ANKRD36: variants seen among roughly 807,000 people sequenced by gnomAD.
ANKRD36 encodes the protein ankyrin repeat domain 36, also known as ankyrin repeat domain-containing protein 36A.
Under a neutral mutation model 278.1 loss-of-function variants are expected in ANKRD36, and 179 were observed. The observed-to-expected ratio is 0.64, with a 90% CI of 0.57 to 0.73. The LOEUF is 0.73. Among genes scored for constraint, ANKRD36 ranks in the 30% least tolerant of loss-of-function variants. The pLI is 0.00. For synonymous variants in ANKRD36, 320 were observed against 641.1 expected (o/e 0.50, Z 7.57); for missense variants, 1,159 against 1,956.7 (o/e 0.59, Z 7.69).
intron 50 of ANKRD36, among the ~76,000 whole-genome samples, chr2:97,205,166 C>A (rs1260830084): frequency 1.3e-5 from 2 of 151,652 alleles, no homozygotes; most frequent in African/African-American, 4.8e-5. Context: ...GGAATGATTT[C>A]TGAATGTAAA....
At chr2:97,260,974 A>G (rs537131168) in intron 75 of ANKRD36, among the ~76,000 whole-genome samples, 134 of 129,068 alleles carry the variant, frequency 1.0e-3, no homozygotes, top group African/African-American at 4.3e-3. Flanking sequence ...GAATTAAAGA[A>G]TGTTAGGGCT....
At chr2:97,204,998 A>G (rs1393231857) in intron 50 of ANKRD36, among the ~76,000 whole-genome samples, 1 of 151,416 alleles carries the variant, frequency 6.6e-6, no homozygotes, top group Non-Finnish European at 1.5e-5. Context: ...ATATGAATAC[A>G]TTGGCTTCTT....
At position 97,147,637 on chromosome 2, in the gene ANKRD36, T is replaced by C. The variant is rs2044614675; in HGVS notation, c.1034+1121T>C. ...AGTCTTCTTTTACATCATTCTGTCATTGAGTGATTTTAGTTTTAGAAAGAG... is the reference window on the plus strand; with the variant it reads ...AGTCTTCTTTTACATCATTCTGTCACTGAGTGATTTTAGTTTTAGAAAGAG... On this transcript the variant is annotated intron_variant, in intron 11 of 75. Transcript: ENST00000420699. 3.3e-5 allele frequency among the ~76,000 whole-genome samples: 5 copies of C among 151,916 alleles called. No individual in the cohort carries two copies. In the South Asian group the frequency reaches 1.0e-3, roughly 32 times the overall value.
At chr2:97,232,951 T>C (rs1177005354) in intron 67 of ANKRD36, among the ~76,000 whole-genome samples, 3 of 151,670 alleles carry the variant, frequency 2.0e-5, no homozygotes, top group Non-Finnish European at 4.4e-5. Flanking sequence ...AATTTAGTGA[T>C]TCAAAAAGCC....
intron 4 of ANKRD36, among the ~76,000 whole-genome samples, chr2:97,124,013 CATT>C (rs2037826774): frequency 6.7e-6 from 1 of 149,516 alleles, no homozygotes; most frequent in Non-Finnish European, 1.5e-5. Context: ...TTATCAGCAT[CATT>C]AACTGAAGCT....
At chr2:97,121,877 C>T (rs1311055047) in intron 3 of ANKRD36, among the ~76,000 whole-genome samples, 1 of 150,010 alleles carries the variant, frequency 6.7e-6, no homozygotes, top group Non-Finnish European at 1.5e-5. Flanking sequence ...TAAATATTTG[C>T]ATCAGGGTCC....
At chr2:97,140,013 A>C (rs1238782740) in intron 6 of ANKRD36, among the ~76,000 whole-genome samples, 2 of 151,738 alleles carry the variant, frequency 1.3e-5, no homozygotes, top group African/African-American at 2.4e-5. Flanking sequence ...TTTGTGTGTG[A>C]ATGTGTGTGT....
chr2:97,123,268 GTTTGTTA>G (rs958387284), intron 4 of ANKRD36, among the ~76,000 whole-genome samples: 8 of 148,506 alleles, frequency 5.4e-5, no homozygotes, highest in African/African-American at 1.9e-4. Context: ...ATTGATAGAT[GTTTGTTA>G]TTTGTAATAT....
rs145456161 is a variant in ANKRD36 at position 97,186,155 on chromosome 2, G to A, written c.2041+645G>A. On this transcript the variant is annotated intron_variant, in intron 30 of 75. Transcript: ENST00000420699. Reference sequence around the variant, plus strand: ...AGCTAGAATTGGGATAAACCACATTGACTAATTACTTCTGTTTGCTACTAT... The same window carrying A: ...AGCTAGAATTGGGATAAACCACATTAACTAATTACTTCTGTTTGCTACTAT... 1.8e-3 allele frequency among the ~76,000 whole-genome samples: 270 copies of A among 151,836 alleles called. 2 individuals carry two copies. Among genetic ancestry groups the A allele is most frequent in the African/African-American group, 5.8e-3 (239 of 41,446 alleles).
At chr2:97,160,959 T>C (rs540429740) in intron 17 of ANKRD36, among the ~76,000 whole-genome samples, 1 of 151,980 alleles carries the variant, frequency 6.6e-6, no homozygotes, top group Non-Finnish European at 1.5e-5. Flanking sequence ...ATTTTATATC[T>C]TTTAATCCAG....
At position 97,181,739 on chromosome 2, in the gene ANKRD36, G is replaced by A; in HGVS notation, c.1783G>A (p.Asp595Asn). 1 of 1,609,322 alleles carries A rather than the reference G, an allele frequency of 6.2e-7. No individual in the cohort carries two copies. The change falls in exon 26 of 76, where the codon GAT becomes AAT. Residue 595 changes from aspartate (D) to asparagine (N), a missense_variant. Coordinates refer to ENST00000420699, the MANE Select transcript of ANKRD36 (RefSeq NM_001354587.1). The part of the protein sequence containing the change: ...PAEKATSDEK[D>N]SVSNIATEIK... Reference sequence around the variant, plus strand: ...CATTCAGGCTACAAGTGACGAGAAAGATTCTGTTTCAAATATAGCCACAGA... The same window carrying A: ...CATTCAGGCTACAAGTGACGAGAAAAATTCTGTTTCAAATATAGCCACAGA...
intron 6 of ANKRD36, among the ~76,000 whole-genome samples, chr2:97,131,095 G>A (rs1411139993): frequency 1.3e-5 from 2 of 151,724 alleles, no homozygotes; most frequent in Non-Finnish European, 2.9e-5. Context: ...ACACTTTTCT[G>A]GTATTATATT....
intron 58 of ANKRD36, 84 bp downstream of exon 58, chr2:97,211,825 G>A (rs572661467): frequency 4.1e-5 from 59 of 1,425,798 alleles, no homozygotes; most frequent in African/African-American, 2.3e-4. Context: ...CGGGGGGTTC[G>A]TCAAGCCTTC....
intron 2 of ANKRD36, 74 bp downstream of exon 2, chr2:97,118,252 T>C (rs1360063907): frequency 6.9e-6 from 11 of 1,595,206 alleles, no homozygotes; most frequent in Non-Finnish European, 9.4e-6. Context: ...ATTTATCTCA[T>C]TGGAATACCA....
At chr2:97,123,594 T>C (rs2037540919) in intron 4 of ANKRD36, among the ~76,000 whole-genome samples, 1 of 73,218 alleles carries the variant, frequency 1.4e-5, no homozygotes, top group African/African-American at 3.3e-5. Context: ...CCTTCAAGGG[T>C]GGTTGTGTGT....
chr2:97,183,451 C>G lies in ANKRD36; in HGVS notation c.1838-8C>G. 6.4e-7 allele frequency: 1 copy of G among 1,555,240 alleles called. No homozygotes were observed. On this transcript the variant is annotated splice_region_variant and splice_polypyrimidine_tract_variant and intron_variant, in intron 26 of 75. Coordinates refer to ENST00000420699, the MANE Select transcript of ANKRD36 (RefSeq NM_001354587.1). ...TATGATGGATTATATATTTCTTTTA[C>G]TTTTCAGTGTCTCCTCAGAAACAAT...
At chr2:97,198,210 G>A (rs189195593) in intron 42 of ANKRD36, among the ~76,000 whole-genome samples, 2 of 151,988 alleles carry the variant, frequency 1.3e-5, no homozygotes, top group South Asian at 2.1e-4. Flanking sequence ...ATAGTGACAC[G>A]GTTTTATTTT....
At chr2:97,185,260 T>C in intron 28 of ANKRD36, 56 bp from the exon 29 acceptor site, 3 of 1,560,598 alleles carry the variant, frequency 1.9e-6, no homozygotes, top group Non-Finnish European at 2.6e-6. Flanking sequence ...CATGAATGTA[T>C]AGATAACTTT....
chr2:97,200,703 G>C (rs546706854), intron 46 of ANKRD36, among the ~76,000 whole-genome samples, 178 bp downstream of exon 46: 2 of 151,860 alleles, frequency 1.3e-5, no homozygotes, highest in South Asian at 2.1e-4. Context: ...CATGATCTTC[G>C]CTGTAAGATT....
Sources: allele counts gnomAD v4.1 joint callset (sites outside exome capture counted in the v4.1 genomes callset), GRCh38; gene constraint gnomAD v4.1.1; transcripts MANE v1.5; gene names NCBI Gene and HGNC (gene_info 2026-07-23, HGNC 2026-07-21).